Variants in FRRS1 observed in about 807,000 individuals in gnomAD.
FRRS1 encodes the protein ferric reductase 1.
A neutral mutation model predicts 70.7 loss-of-function variants in FRRS1; 51 were observed. The observed-to-expected ratio is 0.72, with a 90% CI of 0.58 to 0.91. The LOEUF is 0.91. Ranked by LOEUF, FRRS1 falls within the 40% of genes least tolerant of loss-of-function variation. The pLI is 0.00. For synonymous variants in FRRS1, 225 were observed against 238.7 expected, an observed-to-expected ratio of 0.94 and a Z score of 0.53; for missense variants, 672 against 726.0, an observed-to-expected ratio of 0.93 and a Z score of 0.86.
chr1:99,762,410 GTC>G (rs1431004873), intron 1 of FRRS1, among the ~76,000 whole-genome samples: 4 of 151,028 alleles, frequency 2.6e-5, no homozygotes, highest in Admixed American at 2.6e-4. Flanking sequence ...CCTCTTTTAC[GTC>G]TCTTTCATGA....
At chr1:99,721,993 T>A (rs755493355) in intron 9 of FRRS1, among the ~76,000 whole-genome samples, 1 of 151,826 alleles carries the variant, frequency 6.6e-6, no homozygotes, top group South Asian at 2.1e-4. Flanking sequence ...CCTTAATTTG[T>A]TTATTTATTT....
At chr1:99,721,770 T>C (rs948510171) in intron 9 of FRRS1, among the ~76,000 whole-genome samples, 1 of 151,824 alleles carries the variant, frequency 6.6e-6, no homozygotes, top group African/African-American at 2.4e-5. Context: ...GGCTAATTTT[T>C]GTATTTTTAG....
chr1:99,742,347 C>T (rs950085757), intron 4 of FRRS1, 74 bp from the exon 5 acceptor site: 37 of 919,502 alleles, frequency 4.0e-5, no homozygotes, highest in Admixed American at 2.2e-4. Flanking sequence ...TATCATTTTG[C>T]GAAGTAATTT....
Position 99,709,126 on chromosome 1 carries a change from A to G in FRRS1, c.1687-6T>C, listed in dbSNP as rs1201653174. ...GCCTTTTTAAAAGCATGACCCTGAA[A>G]GAAAAATTGAGATATGAAAAAAAAA... On this transcript the variant is annotated splice_polypyrimidine_tract_variant and splice_region_variant and intron_variant, in intron 16 of 16. Coordinates refer to ENST00000646001, the MANE Select transcript of FRRS1 (RefSeq NM_001361041.2). 17 of 1,610,118 alleles carry G rather than the reference A, an allele frequency of 1.1e-5. No homozygotes were observed. Among genetic ancestry groups the G allele is most frequent in the Admixed American group, 1.7e-5 (1 of 59,616 alleles).
chr1:99,744,580 T>A (rs369225240), intron 4 of FRRS1, among the ~76,000 whole-genome samples: 7 of 151,726 alleles, frequency 4.6e-5, no homozygotes, highest in African/African-American at 1.5e-4. Flanking sequence ...TGAGGTCGGG[T>A]GTTCAAGACC....
intron 8 of FRRS1, among the ~76,000 whole-genome samples, chr1:99,729,226 C>A (rs1278621942): frequency 6.6e-6 from 1 of 152,230 alleles, no homozygotes; most frequent in Non-Finnish European, 1.5e-5. Context: ...CACATGCCAA[C>A]AAAGGGCACT....
intron 3 of FRRS1, 191 bp from the exon 4 acceptor site, chr1:99,747,621 C>A: frequency 1.8e-6 from 1 of 549,488 alleles, no homozygotes; most frequent in Non-Finnish European, 3.2e-6. Context: ...ATAAGATATT[C>A]AATCTGTGAG....
At chr1:99,755,519 T>C (rs1656790497) in intron 1 of FRRS1, among the ~76,000 whole-genome samples, 1 of 152,218 alleles carries the variant, frequency 6.6e-6, no homozygotes, top group Non-Finnish European at 1.5e-5. Flanking sequence ...AATGTAGTCA[T>C]GTGCCACTTA....
intron 10 of FRRS1, 60 bp from the exon 11 acceptor site, chr1:99,717,585 T>C: frequency 8.8e-7 from 1 of 1,131,390 alleles, no homozygotes; most frequent in Non-Finnish European, 1.3e-6. Flanking sequence ...ATCGCTTAAA[T>C]GACCAAGCCA....
Position 99,754,189 on chromosome 1 carries a change from G to C in FRRS1, c.-105-5188C>G, listed in dbSNP as rs1571153522. On this transcript the variant is annotated intron_variant, in intron 1 of 16. Transcript: ENST00000646001. ...ATCAGAAATGGACAGATCCAGGCTG[G>C]GTACCATGGCTCATGCCTATAATCC... Among the ~76,000 whole-genome samples, 6 of 152,314 alleles carry C rather than the reference G, an allele frequency of 3.9e-5. No homozygotes were observed. The South Asian group carries it at 1.2e-3, about 32-fold the overall frequency.
intron 4 of FRRS1, among the ~76,000 whole-genome samples, chr1:99,746,695 A>G (rs1557702688): frequency 6.6e-6 from 1 of 152,258 alleles, no homozygotes; most frequent in East Asian, 1.9e-4. Context: ...AACCTGGCAG[A>G]AGGGTTCCAA....
chr1:99,713,541 A>G (rs1335102242), intron 12 of FRRS1, among the ~76,000 whole-genome samples: 2 of 152,214 alleles, frequency 1.3e-5, no homozygotes, highest in African/African-American at 2.4e-5. Context: ...GGATTCATCA[A>G]TCTTATCCCT....
chr1:99,728,777 T>G, intron 8 of FRRS1, 137 bp from the exon 9 acceptor site: 1 of 579,746 alleles, frequency 1.7e-6, no homozygotes. Context: ...GTCATTGTTT[T>G]TCCACTTCCT....
chr1:99,746,088 ACTT>A (rs1656249349), intron 4 of FRRS1, among the ~76,000 whole-genome samples: 1 of 152,178 alleles, frequency 6.6e-6, no homozygotes, highest in Non-Finnish European at 1.5e-5. Context: ...AGTCTTAGGC[ACTT>A]CTTTTAGCAA....
intron 1 of FRRS1, among the ~76,000 whole-genome samples, chr1:99,764,318 TAGGA>T (rs1239494400): frequency 2.6e-5 from 4 of 152,226 alleles, no homozygotes; most frequent in African/African-American, 9.6e-5. Context: ...GTTTACCCCT[TAGGA>T]AGGTATGTGT....
rs373308917 is a variant in FRRS1, at chr1:99,708,245, C to A, written c.*783G>T. The stretch of plus-strand genomic sequence containing the variant: ...TTCTAAATAAAGTCCACAGACCATT[C>A]AGATAAACTAGTAAAAATAGTTTTT... On this transcript the variant is annotated 3_prime_UTR_variant, in exon 17 of 17. Coordinates refer to ENST00000646001, the MANE Select transcript of FRRS1 (RefSeq NM_001361041.2). Among the ~76,000 whole-genome samples the A allele has an allele frequency of 1.3e-5, 2 of 152,164 alleles. No homozygotes were observed. Among genetic ancestry groups the A allele is most frequent in the African/African-American group, 2.4e-5 (1 of 41,454 alleles).
intron 9 of FRRS1, 108 bp downstream of exon 9, chr1:99,728,385 C>T (rs1224087710): frequency 1.1e-5 from 10 of 930,590 alleles, no homozygotes; most frequent in Admixed American, 4.7e-5. Context: ...TATAGGAAAG[C>T]GTGTGCCTTA....
chr1:99,735,847 C>T (rs1355333818), intron 7 of FRRS1, among the ~76,000 whole-genome samples: 1 of 152,152 alleles, frequency 6.6e-6, no homozygotes, highest in Admixed American at 6.5e-5. Flanking sequence ...AACAGTCTTT[C>T]CCTCTTGCTT....
At chr1:99,744,002 A>C in intron 4 of FRRS1, among the ~76,000 whole-genome samples, 1 of 151,562 alleles carries the variant, frequency 6.6e-6, no homozygotes, top group Non-Finnish European at 1.5e-5. Flanking sequence ...ACTGTAGATT[A>C]AGGTCTGCTG....
Sources: allele counts gnomAD v4.1 joint callset (sites outside exome capture counted in the v4.1 genomes callset), GRCh38; gene constraint gnomAD v4.1.1; transcripts MANE v1.5; gene names NCBI Gene and HGNC (gene_info 2026-07-23, HGNC 2026-07-21).